Variants in ARMC3 observed in about 807,000 individuals in gnomAD.
The protein encoded by ARMC3 is armadillo repeat containing 3, also known as armadillo repeat-containing protein 3.
ARMC3 carries 74 observed loss-of-function variants against 90.3 expected under a neutral mutation model. The observed-to-expected ratio is 0.82, with a 90% CI of 0.68 to 0.99. ARMC3 has a LOEUF of 0.99. Among genes scored for constraint, ARMC3 ranks in the 50% least tolerant of loss-of-function variants. The pLI, the probability that ARMC3 is intolerant of heterozygous loss-of-function variation, is 0.00. For missense variants in ARMC3, 958 were observed against 1,042.8 expected, an observed-to-expected ratio of 0.92 and a Z score of 1.12; for synonymous variants, 334 against 361.8, an observed-to-expected ratio of 0.92 and a Z score of 0.87.
At chr10:23,019,460 T>C (rs1308677759) in intron 16 of ARMC3, among the ~76,000 whole-genome samples, 1 of 152,256 alleles carries the variant, frequency 6.6e-6, no homozygotes, top group Admixed American at 6.5e-5. Flanking sequence ...ACAATCAGGA[T>C]ACAAAACAGT....
chr10:22,959,118 T>C lies in ARMC3; in HGVS notation c.341T>C (p.Ile114Thr). 6.2e-7 allele frequency: 1 copy of C among 1,613,604 alleles called. No homozygotes were observed. The highest frequency in any genetic ancestry group is 2.2e-5 in the East Asian group (1 of 44,882). The change falls in exon 5 of 19, where the codon ATT becomes ACT. Residue 114 changes from isoleucine (I) to threonine (T), a missense_variant. Transcript: ENST00000298032. ...LRELDVMNSV[I>T]AQLAPEEEVV... The stretch of plus-strand genomic sequence containing the variant: ...GAGTTAGATGTCATGAATTCTGTCA[T>C]TGCCCAGCTCGCTCCAGAAGGTAAC...
intron 10 of ARMC3, among the ~76,000 whole-genome samples, chr10:22,982,596 G>C (rs2131342347): frequency 6.6e-6 from 1 of 152,278 alleles, no homozygotes; most frequent in Non-Finnish European, 1.5e-5. Context: ...AGCTGAGCTG[G>C]AAATCGATGC....
intron 2 of ARMC3, among the ~76,000 whole-genome samples, chr10:22,943,651 G>T (rs1031615640): frequency 5.9e-5 from 9 of 151,780 alleles, no homozygotes; most frequent in Non-Finnish European, 1.2e-4. Context: ...GAATTGCATT[G>T]GCCAGGTGAG....
chr10:23,014,107 C>T, intron 16 of ARMC3: 1 of 1,550,248 alleles, frequency 6.5e-7, no homozygotes, highest in South Asian at 1.2e-5. Context: ...CAGCTCACTC[C>T]CCACTTCAAG....
At chr10:22,938,284 G>A (rs75105059) in intron 2 of ARMC3, among the ~76,000 whole-genome samples, 3,604 of 152,236 alleles carry the variant, frequency 0.024, 153 homozygotes, top group African/African-American at 0.082. Flanking sequence ...GGAGATTAGT[G>A]AGCGAGGTGT....
At chr10:23,022,146 T>G (rs980832006) in intron 16 of ARMC3, among the ~76,000 whole-genome samples, 1 of 152,240 alleles carries the variant, frequency 6.6e-6, no homozygotes, top group African/African-American at 2.4e-5. Flanking sequence ...CTCCTTTGTT[T>G]TCTTCAAAAT....
intron 16 of ARMC3, among the ~76,000 whole-genome samples, chr10:23,020,498 G>A (rs1224072873): frequency 6.6e-6 from 1 of 152,182 alleles, no homozygotes; most frequent in Non-Finnish European, 1.5e-5. Context: ...GTAACTGTAT[G>A]TTTAACTTTA....
In ARMC3 at chr10:22,929,079, A is replaced by T. The variant is rs376171312; in HGVS notation, c.-2+973A>T. Among the ~76,000 whole-genome samples the T allele has an allele frequency of 4.5e-4, 69 of 152,158 alleles. No homozygotes were observed. In the East Asian group the frequency reaches 6.2e-3, roughly 14 times the overall value. On this transcript the variant is annotated intron_variant, in intron 1 of 18. Transcript: ENST00000298032. ...TGTCTCTACTGAAAATACAAAAATT[A>T]GCCGAGCGTGGTGGCGGGTACCTGT...
intron 16 of ARMC3, among the ~76,000 whole-genome samples, chr10:23,015,323 T>A (rs1838227027): frequency 6.6e-6 from 1 of 152,208 alleles, no homozygotes; most frequent in African/African-American, 2.4e-5. Flanking sequence ...ATTAATTCGT[T>A]CCCTGGTTAT....
intron 2 of ARMC3, among the ~76,000 whole-genome samples, chr10:22,935,595 T>C (rs577721697): frequency 1.3e-5 from 2 of 152,314 alleles, no homozygotes; most frequent in East Asian, 3.9e-4. Context: ...AATTTTGTTT[T>C]ATCATTTATT....
chr10:22,959,384 A>G lies in ARMC3; in HGVS notation c.362-15A>G. The G allele has an allele frequency of 6.3e-7, 1 of 1,589,114 alleles. No individual in the cohort carries two copies. Among genetic ancestry groups the G allele is most frequent in the Non-Finnish European group, 8.5e-7 (1 of 1,170,584 alleles). On this transcript the variant is annotated splice_polypyrimidine_tract_variant and intron_variant, in intron 5 of 18. Transcript: ENST00000298032. ...AGCAGTTGGCATACTTGTGTTATTT[A>G]TTTTTGATACACAGAAGAAGTAGTT...
chr10:22,928,366 T>G (rs1833797166), intron 1 of ARMC3, among the ~76,000 whole-genome samples: 1 of 152,184 alleles, frequency 6.6e-6, no homozygotes, highest in Non-Finnish European at 1.5e-5. Context: ...TCAGATTCCG[T>G]TACTTGACTG....
intron 16 of ARMC3, among the ~76,000 whole-genome samples, chr10:23,010,620 C>G (rs1341954703): frequency 1.5e-5 from 2 of 137,528 alleles, no homozygotes. Flanking sequence ...TTCCCATTCC[C>G]TGACCTACCA....
chr10:23,023,193 G>T (rs150146809), intron 16 of ARMC3, among the ~76,000 whole-genome samples: 5 of 152,128 alleles, frequency 3.3e-5, no homozygotes, highest in African/African-American at 1.2e-4. Context: ...CCAGAACGGG[G>T]AAACCCCTCG....
chr10:22,928,407 G>A lies in ARMC3; in HGVS notation c.-2+301G>A, dbSNP rs186799215. Among the ~76,000 whole-genome samples the A allele has an allele frequency of 4.6e-5, 7 of 152,242 alleles. No individual in the cohort carries two copies. In the East Asian group the frequency reaches 1.4e-3, roughly 29 times the overall value. On this transcript the variant is annotated intron_variant, in intron 1 of 18. Transcript: ENST00000298032. Reference sequence around the variant, plus strand: ...AACTCAGAAGTGGCCTCGATTTCTTGAGCCCTCCTCCTCTTTAAATCTTCT... The same window carrying A: ...AACTCAGAAGTGGCCTCGATTTCTTAAGCCCTCCTCCTCTTTAAATCTTCT...
At chr10:23,023,520 T>C (rs553584150) in intron 16 of ARMC3, among the ~76,000 whole-genome samples, 2 of 152,260 alleles carry the variant, frequency 1.3e-5, no homozygotes, top group African/African-American at 2.4e-5. Flanking sequence ...CACATGAAGA[T>C]AAATCAGTTG....
rs1001048438 is a variant in ARMC3, at chr10:23,008,341, C to T, written c.1895C>T (p.Ser632Phe). ...TATGGACGAAGTATTTCTTCTTCAT[C>T]TTCCTTAAGAAGATCAAGTAAAGAA... is the stretch of plus-strand genomic sequence containing the variant. ...VGYGRSISSS[S>F]SLRRSSKEKN... Residue 632 changes from serine (S) to phenylalanine (F), a missense_variant, in exon 15 of 19, where the codon TCT becomes TTT. Coordinates refer to ENST00000298032, the MANE Select transcript of ARMC3 (RefSeq NM_173081.5). The T allele has an allele frequency of 1.9e-6, 3 of 1,542,036 alleles. No homozygotes were observed. The highest frequency in any genetic ancestry group is 1.2e-5 in the South Asian group (1 of 83,996).
chr10:22,945,653 G>A (rs1010496839), intron 2 of ARMC3, among the ~76,000 whole-genome samples: 2 of 151,892 alleles, frequency 1.3e-5, no homozygotes, highest in Admixed American at 6.6e-5. Flanking sequence ...TTATTGAGAT[G>A]GTCATGGAAT....
chr10:23,019,530 T>C (rs774820645), intron 16 of ARMC3, among the ~76,000 whole-genome samples: 1 of 152,112 alleles, frequency 6.6e-6, no homozygotes, highest in Non-Finnish European at 1.5e-5. Context: ...GTTACTGTTG[T>C]TTTTCTGTTT....
Sources: allele counts gnomAD v4.1 joint callset (sites outside exome capture counted in the v4.1 genomes callset), GRCh38; gene constraint gnomAD v4.1.1; transcripts MANE v1.5; gene names NCBI Gene and HGNC (gene_info 2026-07-23, HGNC 2026-07-21).